The following ANKRD44 variants were observed in gnomAD, a reference collection of about 807,000 sequenced individuals.
ANKRD44 encodes the protein ankyrin repeat domain 44.
Under a neutral mutation model 116.0 loss-of-function variants are expected in ANKRD44, and 35 were observed. The observed-to-expected ratio is 0.30, with a 90% confidence interval of 0.23 to 0.40. The LOEUF (loss-of-function observed/expected upper bound fraction) is 0.40. Among genes scored for constraint, ANKRD44 ranks in the 10% least tolerant of loss-of-function variants. ANKRD44 has a pLI of 1.00. For missense variants in ANKRD44, 1,014 were observed against 1,242.6 expected, an observed-to-expected ratio of 0.82 and a Z score of 2.77; for synonymous variants, 435 against 461.8, an observed-to-expected ratio of 0.94 and a Z score of 0.74.
rs199994103 is a variant in ANKRD44, at chr2:197,197,809, C to CAAAAAA, written c.28-10709_28-10704dup. Reference sequence around the variant, plus strand: ...TGGGTGACAGAGTGAAATCCTGTCTCAAAAAAAAAAAAAAAAAAAAAGAAA... The same window carrying CAAAAAA: ...TGGGTGACAGAGTGAAATCCTGTCTCAAAAAAAAAAAAAAAAAAAAAAAAAAAGAAA... On this transcript the variant is annotated intron_variant, in intron 1 of 27. Transcript: ENST00000282272. 6.7e-4 allele frequency among the ~76,000 whole-genome samples: 76 copies of CAAAAAA among 114,108 alleles called. 2 individuals carry two copies. The highest frequency in any genetic ancestry group is 1.1e-3 in the African/African-American group (29 of 25,362). 74.9% of individuals were successfully genotyped at this position (114,108 alleles called of 152,430 possible).
chr2:197,144,338 A>C (rs1039084937), intron 3 of ANKRD44, among the ~76,000 whole-genome samples: 1 of 152,246 alleles, frequency 6.6e-6, no homozygotes, highest in Non-Finnish European at 1.5e-5. Context: ...CCAACATGGT[A>C]ATCATTAGCA....
intron 1 of ANKRD44, among the ~76,000 whole-genome samples, chr2:197,242,582 T>C (rs896120240): frequency 6.6e-6 from 1 of 152,100 alleles, no homozygotes; most frequent in Non-Finnish European, 1.5e-5. Context: ...CCTCTCTAGG[T>C]TCACCTTAAA....
intron 2 of ANKRD44, among the ~76,000 whole-genome samples, chr2:197,170,614 G>T: frequency 6.6e-6 from 1 of 152,150 alleles, no homozygotes; most frequent in South Asian, 2.1e-4. Flanking sequence ...AATGCTTAAT[G>T]CTAAACACAT....
At chr2:196,973,405 T>G (rs566890402) in intron 21 of ANKRD44, among the ~76,000 whole-genome samples, 2 of 152,316 alleles carry the variant, frequency 1.3e-5, no homozygotes, top group South Asian at 4.1e-4. Flanking sequence ...ACTTTGCTTA[T>G]GATGATATTA....
intron 2 of ANKRD44, among the ~76,000 whole-genome samples, chr2:197,175,443 A>T (rs1234542469): frequency 6.6e-6 from 1 of 152,222 alleles, no homozygotes; most frequent in East Asian, 1.9e-4. Context: ...GCAAGTGAGG[A>T]TGCAAGGTAT....
At chr2:197,192,161 T>C (rs1363546551) in intron 1 of ANKRD44, among the ~76,000 whole-genome samples, 2 of 152,198 alleles carry the variant, frequency 1.3e-5, no homozygotes, top group Non-Finnish European at 2.9e-5. Context: ...ATAGTATATT[T>C]CACTTTCCCT....
intron 2 of ANKRD44, among the ~76,000 whole-genome samples, chr2:197,155,482 G>C (rs936618485): frequency 6.6e-6 from 1 of 152,184 alleles, no homozygotes; most frequent in Non-Finnish European, 1.5e-5. Flanking sequence ...AAGCAGGCAA[G>C]AAGAATAAAA....
Position 197,005,714 on chromosome 2 carries a change from A to G in ANKRD44, c.2327T>C (p.Leu776Pro). 1 of 1,614,244 alleles carries G rather than the reference A, an allele frequency of 6.2e-7. No individual in the cohort carries two copies. Among genetic ancestry groups the G allele is most frequent in the Non-Finnish European group, 8.5e-7 (1 of 1,180,030 alleles). ...CFKDNQGYTPLHWACYNGNEN... is the reference protein window; with the variant it reads ...CFKDNQGYTPPHWACYNGNEN... ...CTCACCATTGTAACAAGCCCAGTGCAGCGGCGTGTAGCCTTGGTTATCTTT... is the reference window on the plus strand; with the variant it reads ...CTCACCATTGTAACAAGCCCAGTGCGGCGGCGTGTAGCCTTGGTTATCTTT... The change falls in exon 21 of 28, where the codon CTG becomes CCG. Residue 776 changes from leucine to proline, a missense_variant. Leu to Pro is a moderately conservative substitution (Grantham distance 98). Coordinates refer to ENST00000282272, the MANE Select transcript of ANKRD44 (RefSeq NM_001195144.2).
chr2:197,060,259 C>G (rs2077282444), intron 16 of ANKRD44, among the ~76,000 whole-genome samples: 1 of 152,260 alleles, frequency 6.6e-6, no homozygotes, highest in South Asian at 2.1e-4. Context: ...TGGCACATAG[C>G]AGTATCCAGC....
Position 197,009,046 on chromosome 2 carries a change from A to C in ANKRD44, c.1925-15T>G. 2.5e-6 allele frequency: 4 copies of C among 1,605,504 alleles called. No individual in the cohort carries two copies. Among genetic ancestry groups the C allele is most frequent in the Non-Finnish European group, 3.4e-6 (4 of 1,172,324 alleles). ...ACCATTAATTACTGAAAAAGAAAAC[A>C]GTGGACAGTCTTTTAACAGAACAAC... On this transcript the variant is annotated splice_polypyrimidine_tract_variant and intron_variant, in intron 18 of 27. Coordinates refer to ENST00000282272, the MANE Select transcript of ANKRD44 (RefSeq NM_001195144.2).
intron 9 of ANKRD44, among the ~76,000 whole-genome samples, chr2:197,100,688 T>G (rs1332949614): frequency 6.6e-6 from 1 of 152,198 alleles, no homozygotes; most frequent in Non-Finnish European, 1.5e-5. Context: ...TTCATGTAAT[T>G]TGATGATCTA....
chr2:197,299,086 A>C (rs370620165), intron 1 of ANKRD44, among the ~76,000 whole-genome samples: 260 of 152,278 alleles, frequency 1.7e-3, no homozygotes, highest in African/African-American at 5.5e-3. Context: ...TGCTTTTTTA[A>C]GTTTGTTTAA....
At chr2:197,279,201 G>A (rs1338268904) in intron 1 of ANKRD44, among the ~76,000 whole-genome samples, 2 of 152,138 alleles carry the variant, frequency 1.3e-5, no homozygotes, top group African/African-American at 4.8e-5. Flanking sequence ...GCTGGTGATA[G>A]AACATTTCCC....
At chr2:196,986,549 C>T (rs1574219753), downstream of ANKRD44, 1 of 287,090 alleles carries the variant, frequency 3.5e-6, no homozygotes, top group Non-Finnish European at 5.2e-6. Context: ...TCTGGAGATA[C>T]ACTTTTATCT....
chr2:197,167,906 C>G (rs1027426415), intron 2 of ANKRD44, among the ~76,000 whole-genome samples: 4 of 152,216 alleles, frequency 2.6e-5, no homozygotes, highest in African/African-American at 9.7e-5. Flanking sequence ...GCAGAGCCAT[C>G]TCTTTTTATC....
At chr2:197,216,168 G>C (rs910097625) in intron 1 of ANKRD44, among the ~76,000 whole-genome samples, 1 of 152,064 alleles carries the variant, frequency 6.6e-6, no homozygotes, top group Non-Finnish European at 1.5e-5. Context: ...GAAGATACTG[G>C]GTACAAAGTC....
chr2:197,154,381 A>AGCCAGGATGGTCTTCACCT (rs2125463504), intron 2 of ANKRD44, among the ~76,000 whole-genome samples: 1 of 137,286 alleles, frequency 7.3e-6, no homozygotes, highest in East Asian at 2.2e-4. Context: ...GGGTTTCACC[A>AGCCAGGATGGTCTTCACCT]TGTTAGCCAG....
chr2:196,979,506 TA>T (rs558756295), intron 21 of ANKRD44, among the ~76,000 whole-genome samples: 203 of 150,714 alleles, frequency 1.3e-3, no homozygotes, highest in South Asian at 9.2e-3. Context: ...CAGCTATTTT[TA>T]CTATTCACCC....
At chr2:197,067,741 G>A (rs529102955) in intron 16 of ANKRD44, among the ~76,000 whole-genome samples, 11 of 104,352 alleles carry the variant, frequency 1.1e-4, no homozygotes, top group Non-Finnish European at 2.0e-4. Context: ...GGAGAAATAG[G>A]AACACTTTTA....
Sources: gnomAD v4.1 joint callset for allele counts (sites outside exome capture counted in the v4.1 genomes callset) on GRCh38, gnomAD v4.1.1 for gene constraint, MANE v1.5 for transcripts, NCBI Gene and HGNC (gene_info 2026-07-23, HGNC 2026-07-21) for gene names.